Variants in CLASP1 observed in about 807,000 individuals in gnomAD.
CLASP1 encodes cytoplasmic linker associated protein 1, also known as CLIP-associating protein 1.
A neutral mutation model predicts 192.3 loss-of-function variants in CLASP1; 38 were observed. That is an observed-to-expected ratio of 0.20 (90% CI 0.15 to 0.26). The LOEUF is 0.26. CLASP1 is among the 10% of genes least tolerant of loss of function. The pLI is 1.00. For synonymous variants in CLASP1, 691 were observed against 712.8 expected (o/e 0.97, Z 0.49); for missense variants, 1,433 against 1,932.5 (o/e 0.74, Z 4.85).
At chr2:121,405,779 A>G (rs971389778) in intron 25 of CLASP1, among the ~76,000 whole-genome samples, 5 of 152,358 alleles carry the variant, frequency 3.3e-5, no homozygotes, top group South Asian at 2.1e-4. Flanking sequence ...TATTTTTGAC[A>G]GGTCACCAAA....
intron 34 of CLASP1, among the ~76,000 whole-genome samples, chr2:121,375,127 C>A (rs1401328592): frequency 1.3e-5 from 2 of 152,064 alleles, no homozygotes; most frequent in Non-Finnish European, 2.9e-5. Flanking sequence ...ATCATGGGGG[C>A]AGATTTACCC....
chr2:121,450,650 G>A (rs2085292321), intron 16 of CLASP1, among the ~76,000 whole-genome samples: 2 of 152,136 alleles, frequency 1.3e-5, no homozygotes, highest in African/African-American at 4.8e-5. Context: ...GTATACAACT[G>A]CCTTCCAGAG....
chr2:121,480,355 C>T (rs13000440), intron 8 of CLASP1, among the ~76,000 whole-genome samples: 31,218 of 152,116 alleles, frequency 0.21, 6,026 homozygotes, highest in African/African-American at 0.51. Context: ...GCTGAGTGCC[C>T]CCTGCAGGTG....
At chr2:121,530,852 T>A in intron 2 of CLASP1, 1 of 668,952 alleles carries the variant, frequency 1.5e-6, no homozygotes. Flanking sequence ...TGGCGCTTCC[T>A]GCTTGCAGCC....
rs1434184217 is a variant in CLASP1, at chr2:121,363,725, A to T, written c.4078-425T>A. On this transcript the variant is annotated intron_variant, in intron 36 of 39. Coordinates refer to ENST00000263710, the Ensembl canonical transcript of CLASP1. ...AAGCACCTGGATGTTTCATCAACACAGCCTGTAAGAGTGAACTCCACCTAA... is the reference window on the plus strand; with the variant it reads ...AAGCACCTGGATGTTTCATCAACACTGCCTGTAAGAGTGAACTCCACCTAA... Among the ~76,000 whole-genome samples the T allele has an allele frequency of 3.9e-5, 6 of 152,340 alleles. 1 individual carries two copies. Among genetic ancestry groups the T allele is most frequent in the African/African-American group, 1.4e-4 (6 of 41,572 alleles).
chr2:121,623,195 A>T (rs2067689077), intron 1 of CLASP1, among the ~76,000 whole-genome samples: 2 of 152,308 alleles, frequency 1.3e-5, no homozygotes, highest in South Asian at 4.1e-4. Context: ...CCTTTATCAC[A>T]CTGAGGAAGT....
rs1336561602 is a variant in CLASP1 at position 121,478,665 on chromosome 2, CCACA to C, written c.713-8709_713-8706del. Among the ~76,000 whole-genome samples, 9 of 95,540 alleles carry C rather than the reference CCACA, an allele frequency of 9.4e-5. No homozygotes were observed. In the Admixed American group the frequency reaches 9.8e-4, roughly 10 times the overall value. The allele number at this position is 95,540 out of a possible 152,430, so 62.7% of individuals were successfully genotyped here. On this transcript the variant is annotated intron_variant, in intron 8 of 39. Transcript: ENST00000263710. ...CACACCCCCCACACACACACACCCC[CCACA>C]CACACCACACACACACCCCACACAC...
chr2:121,631,808 A>G (rs2069716838), intron 1 of CLASP1, among the ~76,000 whole-genome samples: 1 of 151,814 alleles, frequency 6.6e-6, no homozygotes, highest in South Asian at 2.1e-4. Flanking sequence ...GCACTTTGAG[A>G]GGCTGAGGTG....
At chr2:121,463,545 T>A (rs917097593) in intron 9 of CLASP1, among the ~76,000 whole-genome samples, 4 of 152,116 alleles carry the variant, frequency 2.6e-5, no homozygotes, top group African/African-American at 9.7e-5. Context: ...AAAAACTGGA[T>A]CCCATTGAGC....
intron 2 of CLASP1, among the ~76,000 whole-genome samples, chr2:121,597,253 A>G (rs916882561): frequency 7.2e-5 from 11 of 152,222 alleles, no homozygotes; most frequent in Non-Finnish European, 2.9e-5. Context: ...TGTCTACCTC[A>G]TATGGTAATT....
At chr2:121,428,193 G>A (rs933100846) in intron 20 of CLASP1, among the ~76,000 whole-genome samples, 3 of 152,082 alleles carry the variant, frequency 2.0e-5, no homozygotes, top group Non-Finnish European at 4.4e-5. Context: ...AGAAAGAACT[G>A]TAATCTTCAC....
At chr2:121,456,592 AAAAGG>A (rs1221816292) in intron 14 of CLASP1, among the ~76,000 whole-genome samples, 5 of 152,142 alleles carry the variant, frequency 3.3e-5, no homozygotes, top group South Asian at 2.1e-4. Flanking sequence ...GGAAAGGAAG[AAAAGG>A]AAAGGAAAGA....
At chr2:121,465,703 G>A (rs377730876) in intron 9 of CLASP1, among the ~76,000 whole-genome samples, 2 of 152,080 alleles carry the variant, frequency 1.3e-5, no homozygotes, top group African/African-American at 2.4e-5. Context: ...AAAAGAGCCC[G>A]CATCGCCAAG....
At chr2:121,499,228 T>C (rs1175756519) in intron 8 of CLASP1, among the ~76,000 whole-genome samples, 1 of 152,242 alleles carries the variant, frequency 6.6e-6, no homozygotes, top group Non-Finnish European at 1.5e-5. Flanking sequence ...CAATGGAATC[T>C]TGTTCAGCCA....
intron 2 of CLASP1, among the ~76,000 whole-genome samples, chr2:121,552,508 C>T (rs2058132724): frequency 6.6e-6 from 1 of 151,942 alleles, no homozygotes; most frequent in Non-Finnish European, 1.5e-5. Context: ...AAAAAACAAC[C>T]CCATTAAAAT....
intron 13 of CLASP1, 139 bp downstream of exon 13, chr2:121,458,701 T>C (rs1263014777): frequency 2.2e-5 from 13 of 592,610 alleles, no homozygotes; most frequent in Admixed American, 7.8e-5. Flanking sequence ...AAAGATGATA[T>C]ATATACAAAA....
intron 2 of CLASP1, among the ~76,000 whole-genome samples, chr2:121,561,738 G>C (rs1315702978): frequency 6.6e-6 from 1 of 152,228 alleles, no homozygotes; most frequent in Non-Finnish European, 1.5e-5. Flanking sequence ...AAGTGAGTCA[G>C]GCCTTCTGAA....
At chr2:121,513,863 T>C (rs1455274796) in intron 7 of CLASP1, among the ~76,000 whole-genome samples, 2 of 152,148 alleles carry the variant, frequency 1.3e-5, no homozygotes, top group Admixed American at 1.3e-4. Flanking sequence ...TGGGGGCTGG[T>C]CATGTAAACA....
At position 121,453,136 on chromosome 2, in the gene CLASP1, T is replaced by A. The variant is rs866856601; in HGVS notation, c.1386-1287A>T. On this transcript the variant is annotated intron_variant, in intron 14 of 39. Transcript: ENST00000263710. ...ACACTGTCTCTACAAAAAATTTTTT[T>A]AAAAAAATTAGTTGGGCATGGTGGC... Among the ~76,000 whole-genome samples, 141 of 152,108 alleles carry A rather than the reference T, an allele frequency of 9.3e-4. 1 individual carries two copies. The highest frequency in any genetic ancestry group is 3.4e-3 in the Middle Eastern group (1 of 294).
Sources: gnomAD v4.1 joint callset for allele counts (sites outside exome capture counted in the v4.1 genomes callset) on GRCh38, gnomAD v4.1.1 for gene constraint, MANE v1.5 for transcripts, NCBI Gene and HGNC (gene_info 2026-07-23, HGNC 2026-07-21) for gene names.